The following PLXNA3 variants were observed in gnomAD, a reference collection of about 807,000 sequenced individuals.
PLXNA3 encodes the protein plexin A3, also known as plexin-A3.
In PLXNA3, 52 loss-of-function variants were observed where a neutral mutation model predicts 118.8. That is an observed-to-expected ratio of 0.44 (90% CI 0.35 to 0.55). The LOEUF is 0.55. Among genes scored for constraint, PLXNA3 ranks in the 20% least tolerant of loss-of-function variants. The pLI is 0.01. For synonymous variants in PLXNA3, 925 were observed against 762.4 expected (o/e 1.21, Z -3.51); for missense variants, 1,660 against 1,730.8 (o/e 0.96, Z 0.73).
intron 1 of PLXNA3, among the ~76,000 whole-genome samples, chrX:154,459,666 C>A (rs1283201960): frequency 8.9e-6 from 1 of 112,647 alleles, no homozygotes; most frequent in East Asian, 2.8e-4. Context: ...CATGGTGGTG[C>A]TGGATCCTGC....
intron 2 of PLXNA3, 149 bp from the exon 3 acceptor site, chrX:154,460,950 G>A (rs2068942506): frequency 3.2e-6 from 2 of 621,591 alleles, no homozygotes; most frequent in African/African-American, 4.5e-5. Context: ...CTGTGTGCAG[G>A]GAGGCTGGTC....
Position 154,471,595 on chromosome X carries a change from C to T in PLXNA3, c.5477C>T (p.Ala1826Val), listed in dbSNP as rs1018329215. ...GCCAGCGACTTCAGCGTCCTGAGTG[C>T]GCTCAACGAGCTGTATTTCTATGTC... ...LHASDFSVLSALNELYFYVTK... is the reference protein window; with the variant it reads ...LHASDFSVLSVLNELYFYVTK... Residue 1826 changes from alanine to valine, a missense_variant, in exon 32 of 33, where the codon GCG (alanine) becomes GTG (valine). Transcript: ENST00000369682. 9.1e-6 allele frequency: 11 copies of T among 1,210,465 alleles called. No individual in the cohort carries two copies. The highest frequency in any genetic ancestry group is 1.8e-5 in the South Asian group (1 of 56,961).
At position 154,465,492 on chromosome X, in the gene PLXNA3, C is replaced by T. The variant is rs144659277; in HGVS notation, c.2313C>T (p.Phe771=). 104 of 1,205,745 alleles carry T rather than the reference C, an allele frequency of 8.6e-5. No homozygotes were observed. The highest frequency in any genetic ancestry group is 1.1e-4 in the Non-Finnish European group (99 of 891,241). The change falls in exon 12 of 33, where the codon TTC becomes TTT. Residue 771 remains phenylalanine (F), a synonymous_variant. Transcript: ENST00000369682. ...TTTCCGTGGTCTGGGATGGAGACTT[C>T]CCCATAGACAAGCCTCCCAGCTTCC... ...LDFSVVWDGD[F]PIDKPPSFRA...
At position 154,467,353 on chromosome X, in the gene PLXNA3, T is replaced by C; in HGVS notation, c.3323T>C (p.Val1108Ala). The C allele has an allele frequency of 8.3e-7, 1 of 1,205,295 alleles. No individual in the cohort carries two copies. Among genetic ancestry groups the C allele is most frequent in the East Asian group, 3.0e-5 (1 of 33,860 alleles). Reference protein sequence around the residue: ...PDEFGFLLDHVQTARSLNRSS... With the variant: ...PDEFGFLLDHAQTARSLNRSS... ...GAGTTTGGCTTCCTGCTGGACCACG[T>C]GCAAACGGCCCGCTCCCTCAACCGC... The change falls in exon 19 of 33, where the codon GTG (valine) becomes GCG (alanine). Residue 1108 changes from valine (V) to alanine (A), a missense_variant. Val to Ala is a moderately conservative substitution (Grantham distance 64). Transcript: ENST00000369682.
intron 1 of PLXNA3, among the ~76,000 whole-genome samples, chrX:154,459,272 G>A (rs926515009): frequency 5.5e-5 from 6 of 108,927 alleles, no homozygotes; most frequent in Non-Finnish European, 9.5e-5. Flanking sequence ...CCACGACACT[G>A]CTCTGCTGTC....
At chrX:154,469,288 C>T (rs2069145569) in intron 26 of PLXNA3, 73 bp downstream of exon 26, 15 of 1,153,066 alleles carry the variant, frequency 1.3e-5, no homozygotes, top group South Asian at 1.1e-4. Flanking sequence ...TGGGCTCTCC[C>T]GCTCCCCACC....
At chrX:154,465,283 C>A in intron 11 of PLXNA3, 65 bp downstream of exon 11, 1 of 1,062,779 alleles carries the variant, frequency 9.4e-7, no homozygotes. Context: ...TCGTTCTTGT[C>A]TATGCCCAGC....
rs2069214544 is a variant in PLXNA3 at position 154,473,608 on chromosome X, A to G, written c.*923A>G. 1 of 112,631 alleles carries G rather than the reference A, an allele frequency of 8.9e-6. No individual in the cohort carries two copies. The highest frequency in any genetic ancestry group is 9.4e-5 in the Admixed American group (1 of 10,651). 9.3% of individuals were successfully genotyped at this position (112,631 alleles called of 1,213,427 possible). ...GCATGAGTTTTTCTTTGTTCATGGA[A>G]TGTTTTTTCCTGATTAAATGTTGGG... On this transcript the variant is annotated 3_prime_UTR_variant, in exon 33 of 33. Coordinates refer to ENST00000369682, the MANE Select transcript of PLXNA3 (RefSeq NM_017514.5).
intron 26 of PLXNA3, 38 bp from the exon 27 acceptor site, chrX:154,469,341 C>A: frequency 8.5e-7 from 1 of 1,169,709 alleles, no homozygotes; most frequent in Non-Finnish European, 1.2e-6. Context: ...CACTTGGGGG[C>A]TGCCAGCATA....
chrX:154,467,096 G>A lies in PLXNA3; in HGVS notation c.3147G>A (p.Leu1049=). ...TCACTGTGAGTGGGACCCACCTGCT[G>A]ACGGTCCAGGAGCCCCGGGTCCGTG... ...TAITVSGTHL[L]TVQEPRVRAK... Residue 1049 remains leucine (L), a synonymous_variant, in exon 18 of 33, where the codon CTG becomes CTA. Transcript: ENST00000369682. 1.7e-6 allele frequency: 2 copies of A among 1,210,539 alleles called. No homozygotes were observed. Among genetic ancestry groups the A allele is most frequent in the Non-Finnish European group, 2.2e-6 (2 of 895,148 alleles).
chrX:154,470,090 C>T lies in PLXNA3; in HGVS notation c.4909C>T (p.His1637Tyr), dbSNP rs1253554998. Residue 1637 changes from histidine (H) to tyrosine (Y), a missense_variant, in exon 29 of 33, where the codon CAT (histidine) becomes TAT (tyrosine). Physicochemically the swap from His to Tyr is moderately conservative, Grantham distance 83. Transcript: ENST00000369682. ...KLWHLVKNHDHADHREGDRGS... is the reference protein window; with the variant it reads ...KLWHLVKNHDYADHREGDRGS... The stretch of plus-strand genomic sequence containing the variant: ...GTGGCACCTGGTGAAAAACCACGAC[C>T]ATGCCGACCATCGCGAGGGGGACCG... The T allele has an allele frequency of 2.5e-6, 3 of 1,210,383 alleles. No individual in the cohort carries two copies. Among genetic ancestry groups the T allele is most frequent in the African/African-American group, 3.5e-5 (2 of 57,552 alleles).
chrX:154,464,691 A>G (rs1443419654), intron 9 of PLXNA3, 63 bp from the exon 10 acceptor site: 2 of 812,336 alleles, frequency 2.5e-6, no homozygotes, highest in Non-Finnish European at 3.5e-6. Context: ...GATGTGTCCT[A>G]TTGGGGAGCA....
intron 23 of PLXNA3, 30 bp from the exon 24 acceptor site, chrX:154,468,633 C>T: frequency 3.3e-6 from 4 of 1,209,594 alleles, no homozygotes; most frequent in Non-Finnish European, 4.5e-6. Context: ...CCCACCCCTG[C>T]CAGGCCCGAG....
chrX:154,464,679 C>T (rs1424877369), intron 9 of PLXNA3, 75 bp from the exon 10 acceptor site: 2 of 772,366 alleles, frequency 2.6e-6, no homozygotes, highest in Non-Finnish European at 3.7e-6. Context: ...CCTTCAGTTC[C>T]CGATGTGTCC....
Position 154,466,686 on chromosome X carries a change from C to T in PLXNA3, c.3000C>T (p.Pro1000=). 8.3e-7 allele frequency: 1 copy of T among 1,201,939 alleles called. No homozygotes were observed. The highest frequency in any genetic ancestry group is 1.1e-6 in the Non-Finnish European group (1 of 890,197). The change falls in exon 17 of 33, where the codon CCC becomes CCT. Residue 1000 remains proline, a synonymous_variant. Transcript: ENST00000369682. ...CCACCCTGGGCCCCAGCCAGGCCCC[C>T]ATCACACTTGCCATTGACCGGGCTA... ...PLSTLGPSQA[P]ITLAIDRANI...
Position 154,464,217 on chromosome X carries a change from G to A in PLXNA3, c.1732G>A (p.Ala578Thr), listed in dbSNP as rs782650022. The change falls in exon 8 of 33, where the codon GCG becomes ACG. Residue 578 changes from alanine to threonine, a missense_variant. This residue lies in a region of PLXNA3 where 791 missense variants were observed against 652.1 expected (regional missense o/e 1.21). Coordinates refer to ENST00000369682, the MANE Select transcript of PLXNA3 (RefSeq NM_017514.5). ...LSAGVSCAFEAAAENEAVLLP... is the reference protein window; with the variant it reads ...LSAGVSCAFETAAENEAVLLP... ...TGCGGGCGTGAGCTGCGCCTTCGAG[G>A]CGGCGGCGGAGAACGAGGCGGTCCT... 3.3e-6 allele frequency: 4 copies of A among 1,207,342 alleles called. No individual in the cohort carries two copies. In the African/African-American group the frequency reaches 6.9e-5, roughly 21 times the overall value.
rs1239033240 is a variant in PLXNA3, at chrX:154,467,862, G to A, written c.3681G>A (p.Gly1227=). Reference sequence around the variant, plus strand: ...CGGCCATGATGGGGCTGGCGGCGGGGGGTGGGCTCCTGCTGCTGGCCATCA... The same window carrying A: ...CGGCCATGATGGGGCTGGCGGCGGGAGGTGGGCTCCTGCTGCTGGCCATCA... ...TLPAMMGLAA[G]GGLLLLAITA... Residue 1227 remains glycine, a synonymous_variant, in exon 21 of 33, where the codon GGG becomes GGA. Coordinates refer to ENST00000369682, the MANE Select transcript of PLXNA3 (RefSeq NM_017514.5). The A allele has an allele frequency of 1.5e-5, 18 of 1,206,825 alleles. No homozygotes were observed. The Admixed American group carries it at 2.2e-4, about 15-fold the overall frequency.
intron 22 of PLXNA3, 25 bp downstream of exon 22, chrX:154,468,249 C>A (rs782043817): frequency 8.5e-7 from 1 of 1,181,313 alleles, no homozygotes; most frequent in Admixed American, 2.2e-5. Flanking sequence ...GGCCTGCCCC[C>A]CACCATTCCC....
At position 154,464,837 on chromosome X, in the gene PLXNA3, C is replaced by T. The variant is rs148224862; in HGVS notation, c.2012C>T (p.Ser671Phe). 14 of 1,204,796 alleles carry T rather than the reference C, an allele frequency of 1.2e-5. No homozygotes were observed. In the African/African-American group the frequency reaches 2.1e-4, roughly 18 times the overall value. ...HTCTSRPHECSFQEGRVHSPE... is the reference protein window; with the variant it reads ...HTCTSRPHECFFQEGRVHSPE... Reference sequence around the variant, plus strand: ...TGTACCAGCCGCCCCCACGAGTGCTCCTTCCAGGAGGGCAGGGTCCACAGC... The same window carrying T: ...TGTACCAGCCGCCCCCACGAGTGCTTCTTCCAGGAGGGCAGGGTCCACAGC... The change falls in exon 10 of 33, where the codon TCC becomes TTC. Residue 671 changes from serine to phenylalanine, a missense_variant. By Grantham distance (155) the Ser-to-Phe change is radical. This residue lies in a region of PLXNA3 where 791 missense variants were observed against 652.1 expected (regional missense o/e 1.21). Coordinates refer to ENST00000369682, the MANE Select transcript of PLXNA3 (RefSeq NM_017514.5).
Sources: gnomAD v4.1 joint callset for allele counts (sites outside exome capture counted in the v4.1 genomes callset) on GRCh38, gnomAD v4.1.1 for gene constraint, gnomAD v4.1.1 regional missense constraint, MANE v1.5 for transcripts, NCBI Gene and HGNC (gene_info 2026-07-23, HGNC 2026-07-21) for gene names.